The following MAD1L1 variants were observed in gnomAD, a reference collection of about 807,000 sequenced individuals.
MAD1L1 encodes mitotic arrest deficient 1 like 1.
A neutral mutation model predicts 96.9 loss-of-function variants in MAD1L1; 95 were observed. That is an observed-to-expected ratio of 0.98 (90% CI 0.83 to 1.16). The LOEUF (loss-of-function observed/expected upper bound fraction) is 1.16. Ranked by LOEUF, MAD1L1 falls within the 50% of genes most tolerant of loss-of-function variation. MAD1L1 has a pLI of 0.00. For missense variants in MAD1L1, 1,007 were observed against 954.4 expected, an observed-to-expected ratio of 1.06 and a Z score of -0.73; for synonymous variants, 473 against 396.6, an observed-to-expected ratio of 1.19 and a Z score of -2.29.
intron 17 of MAD1L1, among the ~76,000 whole-genome samples, chr7:1,926,083 C>G (rs1470013467): frequency 6.6e-6 from 1 of 152,080 alleles, no homozygotes; most frequent in Non-Finnish European, 1.5e-5. Flanking sequence ...AGTACCGCTA[C>G]GAACCCAGCA....
intron 12 of MAD1L1, among the ~76,000 whole-genome samples, chr7:2,019,117 C>T (rs890641449): frequency 1.6e-4 from 24 of 152,172 alleles, no homozygotes; most frequent in Non-Finnish European, 3.1e-4. Flanking sequence ...TGCCCACTGA[C>T]GCCGGCACCA....
chr7:1,826,457 G>C (rs1782399125), intron 18 of MAD1L1, among the ~76,000 whole-genome samples: 1 of 152,140 alleles, frequency 6.6e-6, no homozygotes, highest in Non-Finnish European at 1.5e-5. Flanking sequence ...CCCTGCACAA[G>C]CCCTCCAGCT....
At chr7:2,031,964 C>A (rs1264516463) in intron 12 of MAD1L1, among the ~76,000 whole-genome samples, 1 of 152,224 alleles carries the variant, frequency 6.6e-6, no homozygotes, top group African/African-American at 2.4e-5. Flanking sequence ...ATCAGCAAAA[C>A]AGGGAATTAG....
Position 1,988,637 on chromosome 7 carries a change from G to A in MAD1L1, c.1417-8096C>T, listed in dbSNP as rs568314958. Among the ~76,000 whole-genome samples the A allele has an allele frequency of 5.3e-5, 8 of 152,286 alleles. No homozygotes were observed. In the South Asian group the frequency reaches 1.7e-3, roughly 32 times the overall value. On this transcript the variant is annotated intron_variant, in intron 14 of 18. Coordinates refer to ENST00000265854, the MANE Select transcript of MAD1L1 (RefSeq NM_001013836.2). ...CGGACTCTCTGGAGGACCCGGCCGC[G>A]CTCCAGGGTGGCCCAGGCGCACAGC... is the stretch of plus-strand genomic sequence containing the variant.
chr7:1,967,168 G>A (rs1780203579), intron 15 of MAD1L1, among the ~76,000 whole-genome samples: 1 of 152,236 alleles, frequency 6.6e-6, no homozygotes, highest in Non-Finnish European at 1.5e-5. Flanking sequence ...TTCCAGGTGT[G>A]ACTTCAAGTG....
chr7:1,868,908 C>T (rs999143895), intron 18 of MAD1L1, among the ~76,000 whole-genome samples: 5 of 152,220 alleles, frequency 3.3e-5, no homozygotes, highest in African/African-American at 1.2e-4. Context: ...CCCACACGGA[C>T]GAAGCTGAGC....
intron 14 of MAD1L1, among the ~76,000 whole-genome samples, chr7:1,993,145 C>A (rs905330416): frequency 3.9e-5 from 6 of 152,188 alleles, no homozygotes; most frequent in Non-Finnish European, 8.8e-5. Flanking sequence ...AAGTGCCCAC[C>A]TTCTCCTCAT....
At chr7:2,063,338 G>T (rs10231757) in intron 12 of MAD1L1, among the ~76,000 whole-genome samples, 6,970 of 152,228 alleles carry the variant, frequency 0.046, 259 homozygotes, top group African/African-American at 0.096. Flanking sequence ...AGGCTGTGCC[G>T]GATCCCAGGA....
rs569000068 is a variant in MAD1L1, at chr7:2,114,081, G to A, written c.1073+35071C>T. 6.6e-6 allele frequency among the ~76,000 whole-genome samples: 1 copy of A among 152,350 alleles called. No individual in the cohort carries two copies. The highest frequency in any genetic ancestry group is 2.1e-4 in the South Asian group (1 of 4,834). The stretch of plus-strand genomic sequence containing the variant: ...GCTGCACCCAGGCCTTACAGCTTCT[G>A]ATAACTGTACACGGGCTCACAAGAC... On this transcript the variant is annotated intron_variant, in intron 11 of 18. Transcript: ENST00000265854. This position sits in a 1 kb window ranked among gnomAD's most constrained non-coding sequence, Gnocchi z 4.2.
intron 11 of MAD1L1, among the ~76,000 whole-genome samples, chr7:2,115,720 G>A (rs1278218779): frequency 2.6e-5 from 4 of 152,274 alleles, no homozygotes; most frequent in Non-Finnish European, 5.9e-5. Context: ...GGAAGCCACG[G>A]CCCTGCCCCC....
chr7:2,214,749 C>T (rs557087480), intron 9 of MAD1L1, among the ~76,000 whole-genome samples: 69 of 152,282 alleles, frequency 4.5e-4, no homozygotes, highest in African/African-American at 1.4e-3. Context: ...CTCCTCTGCC[C>T]GCAACATGAC....
intron 11 of MAD1L1, among the ~76,000 whole-genome samples, chr7:2,092,309 A>G (rs762447220): frequency 6.6e-6 from 1 of 152,082 alleles, no homozygotes; most frequent in Non-Finnish European, 1.5e-5. Context: ...CCCAGGCTGG[A>G]GTGCAGTGGT....
chr7:1,821,871 G>C (rs533412665), intron 18 of MAD1L1, among the ~76,000 whole-genome samples: 135 of 152,324 alleles, frequency 8.9e-4, no homozygotes, highest in African/African-American at 3.1e-3. Flanking sequence ...TCAGCGGAGA[G>C]CTGGCTTTCC....
intron 18 of MAD1L1, among the ~76,000 whole-genome samples, chr7:1,890,141 G>A (rs1786446265): frequency 6.6e-6 from 1 of 152,290 alleles, no homozygotes; most frequent in Non-Finnish European, 1.5e-5. Context: ...TCTGTCTGGT[G>A]TGGGTATGGT....
At chr7:2,083,165 T>G (rs184394341) in intron 11 of MAD1L1, among the ~76,000 whole-genome samples, 121 of 152,292 alleles carry the variant, frequency 7.9e-4, no homozygotes, top group Non-Finnish European at 1.4e-3. Flanking sequence ...AACAAAACTT[T>G]AAGGAGAAAA....
intron 11 of MAD1L1, among the ~76,000 whole-genome samples, chr7:2,085,720 C>T (rs781699365): frequency 1.3e-5 from 2 of 152,326 alleles, no homozygotes; most frequent in South Asian, 2.1e-4. Flanking sequence ...TTAGTCACAG[C>T]TGAGGGGCAT....
intron 10 of MAD1L1, among the ~76,000 whole-genome samples, chr7:2,211,439 G>A (rs549122427): frequency 6.8e-4 from 104 of 152,332 alleles, no homozygotes; most frequent in African/African-American, 2.1e-3. Flanking sequence ...TCTCGTGCCC[G>A]ACTGACACCC....
At chr7:1,894,607 C>A (rs948355552) in intron 18 of MAD1L1, among the ~76,000 whole-genome samples, 3 of 152,130 alleles carry the variant, frequency 2.0e-5, no homozygotes, top group African/African-American at 7.2e-5. Context: ...CAGTGTCAGC[C>A]CTCATGAACA....
At chr7:2,018,050 A>G (rs883445) in intron 12 of MAD1L1, among the ~76,000 whole-genome samples, 124,832 of 151,978 alleles carry the variant, frequency 0.82, 53,481 homozygotes, top group Non-Finnish European at 0.95. Flanking sequence ...GAGGTGCTGC[A>G]GGCAGGGGAG....
Sources: gnomAD v4.1 joint callset for allele counts (sites outside exome capture counted in the v4.1 genomes callset) on GRCh38, gnomAD v4.1.1 for gene constraint, Gnocchi (gnomAD v3.1) non-coding constraint, MANE v1.5 for transcripts, NCBI Gene and HGNC (gene_info 2026-07-23, HGNC 2026-07-21) for gene names.